The following WDR49 variants were observed in gnomAD, a reference collection of about 807,000 sequenced individuals.
WDR49 encodes cilia- and flagella-associated protein 337.
A neutral mutation model predicts 119.5 loss-of-function variants in WDR49; 107 were observed. That is an observed-to-expected ratio of 0.90 (90% confidence interval 0.77 to 1.05). The LOEUF (loss-of-function observed/expected upper bound fraction) is 1.05. WDR49 is among the 50% of genes least tolerant of loss of function. The pLI is 0.00. For missense variants in WDR49, 1,240 were observed against 1,220.5 expected, an observed-to-expected ratio of 1.02 and a Z score of -0.24; for synonymous variants, 425 against 418.8, an observed-to-expected ratio of 1.01 and a Z score of -0.18.
At chr3:167,524,716 A>G (rs1173433046) in intron 15 of WDR49, among the ~76,000 whole-genome samples, 2 of 152,134 alleles carry the variant, frequency 1.3e-5, no homozygotes, top group African/African-American at 4.8e-5. Flanking sequence ...AGATGGTTGT[A>G]GGTGTGTGGT....
intron 2 of WDR49, among the ~76,000 whole-genome samples, chr3:167,639,311 G>A (rs553829423): frequency 2.1e-4 from 32 of 150,094 alleles, no homozygotes; most frequent in African/African-American, 7.8e-4. Context: ...CTAGAAGAAA[G>A]TTTAGAGAAT....
At chr3:167,584,338 A>G (rs1338532840) in intron 7 of WDR49, among the ~76,000 whole-genome samples, 1 of 152,190 alleles carries the variant, frequency 6.6e-6, no homozygotes, top group East Asian at 1.9e-4. Context: ...AGAAATACTG[A>G]GAGCTCTTTC....
chr3:167,593,409 T>G (rs1715240215), intron 7 of WDR49, among the ~76,000 whole-genome samples: 1 of 151,932 alleles, frequency 6.6e-6, no homozygotes, highest in Non-Finnish European at 1.5e-5. Flanking sequence ...CATTCTTCAG[T>G]TTGTCAATTC....
intron 2 of WDR49, among the ~76,000 whole-genome samples, chr3:167,630,442 T>C (rs953573513): frequency 1.3e-5 from 2 of 152,122 alleles, no homozygotes; most frequent in African/African-American, 4.8e-5. Context: ...TGTGTGTGAC[T>C]CACTTTATCC....
chr3:167,548,022 G>A (rs1304290213), intron 10 of WDR49, among the ~76,000 whole-genome samples: 2 of 152,004 alleles, frequency 1.3e-5, no homozygotes, highest in Non-Finnish European at 2.9e-5. Context: ...ATTTGAAAAT[G>A]TGATAATTTT....
chr3:167,562,988 T>G (rs1713358340), intron 8 of WDR49, among the ~76,000 whole-genome samples: 1 of 152,228 alleles, frequency 6.6e-6, no homozygotes, highest in South Asian at 2.1e-4. Flanking sequence ...CTTGTATCAC[T>G]GTGCATATCC....
At chr3:167,540,394 C>CA (rs1466947825) in intron 10 of WDR49, among the ~76,000 whole-genome samples, 4 of 152,116 alleles carry the variant, frequency 2.6e-5, no homozygotes, top group Non-Finnish European at 5.9e-5. Context: ...AGCACCAGCC[C>CA]AAAGGCTGGT....
intron 18 of WDR49, among the ~76,000 whole-genome samples, chr3:167,489,808 A>C (rs918266194): frequency 6.6e-5 from 10 of 152,178 alleles, no homozygotes; most frequent in African/African-American, 2.4e-4. Flanking sequence ...CTACCTGTCT[A>C]TGAGTGTACA....
intron 10 of WDR49, among the ~76,000 whole-genome samples, chr3:167,544,250 C>A (rs931998185): frequency 1.3e-5 from 2 of 151,542 alleles, no homozygotes; most frequent in Admixed American, 6.6e-5. Flanking sequence ...TCAAAAGCAA[C>A]CACAAATTCA....
intron 9 of WDR49, among the ~76,000 whole-genome samples, chr3:167,559,154 GAATACC>G (rs1175058160): frequency 6.6e-6 from 1 of 152,070 alleles, no homozygotes; most frequent in Non-Finnish European, 1.5e-5. Flanking sequence ...TAATCTCCCT[GAATACC>G]TAAACTTCTA....
chr3:167,500,149 T>C lies in WDR49; in HGVS notation c.3031+4A>G. 1 of 1,561,642 alleles carries C rather than the reference T, an allele frequency of 6.4e-7. No homozygotes were observed. The highest frequency in any genetic ancestry group is 8.6e-7 in the Non-Finnish European group (1 of 1,163,832). The stretch of plus-strand genomic sequence containing the variant: ...ATAGAGGTGTATGATGGCTGAGAAC[T>C]TACTTTTAAAAAGTGACGGGGCCTC... On this transcript the variant is annotated splice_donor_region_variant and intron_variant, in intron 18 of 18. Transcript: ENST00000682715.
intron 7 of WDR49, among the ~76,000 whole-genome samples, chr3:167,583,175 C>T (rs1473868263): frequency 1.3e-5 from 2 of 151,848 alleles, no homozygotes; most frequent in African/African-American, 4.8e-5. Context: ...AGAATTTTTG[C>T]CTTTAAAAAT....
At chr3:167,642,215 C>T (rs370308087) in intron 2 of WDR49, among the ~76,000 whole-genome samples, 2 of 151,908 alleles carry the variant, frequency 1.3e-5, no homozygotes, top group African/African-American at 4.8e-5. Context: ...AACAAGCTTA[C>T]ACAACCACAC....
intron 8 of WDR49, among the ~76,000 whole-genome samples, chr3:167,563,728 A>G (rs1232119726): frequency 6.6e-6 from 1 of 152,190 alleles, no homozygotes; most frequent in Non-Finnish European, 1.5e-5. Context: ...ATCACCTTAA[A>G]CATGTATTAT....
intron 16 of WDR49, among the ~76,000 whole-genome samples, chr3:167,521,535 C>A (rs1752434440): frequency 1.3e-5 from 2 of 152,144 alleles, no homozygotes; most frequent in Non-Finnish European, 2.9e-5. Context: ...TGAATTAAAG[C>A]ATGGTGGGAG....
At chr3:167,581,329 C>G (rs1200106212) in intron 7 of WDR49, among the ~76,000 whole-genome samples, 4 of 152,040 alleles carry the variant, frequency 2.6e-5, no homozygotes, top group Admixed American at 2.6e-4. Context: ...TCCAGACACC[C>G]AATCCTAGTT....
In WDR49 at chr3:167,529,192, A is replaced by C. The variant is rs768589954; in HGVS notation, c.2266T>G (p.Trp756Gly). ...AGAAGTTGCTTCTTATATATATCCCAAAATCTGACATAACCAGATCCTCCA... is the reference window on the plus strand; with the variant it reads ...AGAAGTTGCTTCTTATATATATCCCCAAATCTGACATAACCAGATCCTCCA... ...SCGGSGYVRFWDIYKKQLLAE... is the reference protein window; with the variant it reads ...SCGGSGYVRFGDIYKKQLLAE... Residue 756 changes from tryptophan to glycine, a missense_variant, in exon 14 of 19, where the codon TGG becomes GGG. Transcript: ENST00000682715. The C allele has an allele frequency of 3.1e-6, 5 of 1,610,286 alleles. No individual in the cohort carries two copies. In the South Asian group the frequency reaches 4.4e-5, roughly 14 times the overall value.
intron 11 of WDR49, 99 bp downstream of exon 11, chr3:167,536,771 A>AT: frequency 1.1e-5 from 5 of 453,180 alleles, no homozygotes; most frequent in Non-Finnish European, 1.5e-5. Context: ...ATATATATAT[A>AT]AAACAACTGA....
chr3:167,616,415 T>C (rs996258159), intron 5 of WDR49, among the ~76,000 whole-genome samples: 9 of 152,094 alleles, frequency 5.9e-5, no homozygotes, highest in African/African-American at 2.2e-4. Context: ...CTGTGAACCC[T>C]GAGAGAAGAG....
Sources: gnomAD v4.1 joint callset for allele counts (sites outside exome capture counted in the v4.1 genomes callset) on GRCh38, gnomAD v4.1.1 for gene constraint, MANE v1.5 for transcripts, NCBI Gene and HGNC (gene_info 2026-07-23, HGNC 2026-07-21) for gene names.